The following VWA8 variants were observed in gnomAD, a reference collection of about 807,000 sequenced individuals.
VWA8 encodes the protein von Willebrand factor A domain-containing protein 8.
Under a neutral mutation model 241.5 loss-of-function variants are expected in VWA8, and 221 were observed. That is an observed-to-expected ratio of 0.91 (90% CI 0.82 to 1.02). The LOEUF (loss-of-function observed/expected upper bound fraction) is 1.02, where lower values mean the gene tolerates loss of function less well. Ranked by LOEUF, VWA8 falls within the 50% of genes least tolerant of loss-of-function variation. The pLI is 0.00. For synonymous variants in VWA8, 852 were observed against 827.1 expected (o/e 1.03, Z -0.52); for missense variants, 2,322 against 2,328.7 (o/e 1.00, Z 0.06).
intron 2 of VWA8, among the ~76,000 whole-genome samples, chr13:41,914,541 CAAAAT>C (rs931119787): frequency 3.5e-4 from 54 of 152,212 alleles, no homozygotes; most frequent in African/African-American, 1.2e-3. Flanking sequence ...AAGGATGAAA[CAAAAT>C]AAGAGTTAAG....
chr13:41,886,892 T>C, intron 6 of VWA8, 62 bp from the exon 7 acceptor site: 1 of 1,316,098 alleles, frequency 7.6e-7, no homozygotes, highest in Non-Finnish European at 1.1e-6. Context: ...TAAATGCAAA[T>C]GTTTTGTAGA....
chr13:41,871,552 G>C (rs927448387), intron 9 of VWA8, among the ~76,000 whole-genome samples: 2 of 152,074 alleles, frequency 1.3e-5, no homozygotes, highest in South Asian at 4.1e-4. Context: ...GAGAATATGC[G>C]GTGTTTGGTT....
intron 31 of VWA8, 152 bp from the exon 32 acceptor site, chr13:41,691,597 A>T (rs1315083153): frequency 1.7e-6 from 2 of 1,157,252 alleles, no homozygotes; most frequent in Non-Finnish European, 1.2e-6. Context: ...AAAAAAACAG[A>T]TATGCAAAAT....
chr13:41,624,021 C>T (rs1217506681), intron 37 of VWA8, among the ~76,000 whole-genome samples: 1 of 151,922 alleles, frequency 6.6e-6, no homozygotes, highest in Non-Finnish European at 1.5e-5. Context: ...ACAAAAAAAC[C>T]CCTCAGAGAC....
chr13:41,951,741 G>A (rs1463150069), intron 1 of VWA8, among the ~76,000 whole-genome samples: 1 of 152,078 alleles, frequency 6.6e-6, no homozygotes, highest in East Asian at 1.9e-4. Flanking sequence ...CTTAAATCAT[G>A]GTACTAATAA....
At chr13:41,750,470 CAAAAAAAAAAGGA>C (rs1225192947) in intron 21 of VWA8, among the ~76,000 whole-genome samples, 4 of 119,860 alleles carry the variant, frequency 3.3e-5, no homozygotes, top group Non-Finnish European at 7.2e-5. Context: ...AAAACAAAAA[CAAAAAAAAAAGGA>C]AAAAAAGAAA....
chr13:41,748,656 C>T lies in VWA8; in HGVS notation c.2426+12472G>A, dbSNP rs529227040. ...CCTTCTGATGGTACTGGTACCAAAACAGAGATATAGACCAATGGAACAGAA... is the reference window on the plus strand; with the variant it reads ...CCTTCTGATGGTACTGGTACCAAAATAGAGATATAGACCAATGGAACAGAA... On this transcript the variant is annotated intron_variant, in intron 21 of 44. Transcript: ENST00000379310. Among the ~76,000 whole-genome samples, 3 of 152,120 alleles carry T rather than the reference C, an allele frequency of 2.0e-5. 1 individual carries two copies. In the East Asian group the frequency reaches 5.8e-4, roughly 29 times the overall value.
intron 12 of VWA8, chr13:41,865,390 T>C: frequency 9.4e-6 from 3 of 317,762 alleles, no homozygotes; most frequent in South Asian, 2.6e-5. Flanking sequence ...TCATTCTACT[T>C]ATTTATCAAA....
chr13:41,637,495 G>A (rs570008631), intron 37 of VWA8, among the ~76,000 whole-genome samples: 35 of 151,216 alleles, frequency 2.3e-4, no homozygotes, highest in South Asian at 1.3e-3. Context: ...GCACACCAAC[G>A]TGGCACATGT....
intron 37 of VWA8, among the ~76,000 whole-genome samples, chr13:41,639,410 C>T (rs751257204): frequency 2.6e-5 from 4 of 152,104 alleles, no homozygotes; most frequent in Non-Finnish European, 5.9e-5. Context: ...ACAAAAGATG[C>T]GTTCATTTGT....
intron 20 of VWA8, 34 bp downstream of exon 20, chr13:41,777,951 T>C (rs1172555258): frequency 6.4e-7 from 1 of 1,550,430 alleles, no homozygotes; most frequent in Admixed American, 1.9e-5. Flanking sequence ...ACTATCATTT[T>C]TTCATTGGTA....
At chr13:41,647,904 G>A in intron 37 of VWA8, among the ~76,000 whole-genome samples, 1 of 152,086 alleles carries the variant, frequency 6.6e-6, no homozygotes, top group East Asian at 1.9e-4. Context: ...CAGGAGAATC[G>A]CCTAAACCCG....
intron 5 of VWA8, among the ~76,000 whole-genome samples, chr13:41,890,925 G>A (rs1171866186): frequency 2.6e-5 from 4 of 152,152 alleles, no homozygotes; most frequent in African/African-American, 9.7e-5. Context: ...CTCGGCATGT[G>A]ATGCTGGTGG....
chr13:41,950,667 C>G (rs990202237), intron 1 of VWA8, among the ~76,000 whole-genome samples: 2 of 119,522 alleles, frequency 1.7e-5, no homozygotes, highest in Non-Finnish European at 3.4e-5. Flanking sequence ...CACACTCAGC[C>G]TTTTTTTTTT....
intron 43 of VWA8, among the ~76,000 whole-genome samples, chr13:41,572,015 TGAG>T (rs1298858867): frequency 6.6e-6 from 1 of 150,910 alleles, no homozygotes; most frequent in East Asian, 2.0e-4. Context: ...GTCTGGGAAT[TGAG>T]GAGTGTCTCT....
In VWA8 at chr13:41,713,192, A is replaced by G. The variant is rs528211067; in HGVS notation, c.3116+6399T>C. 3.3e-5 allele frequency among the ~76,000 whole-genome samples: 5 copies of G among 152,336 alleles called. No individual in the cohort carries two copies. In the East Asian group the frequency reaches 9.6e-4, roughly 29 times the overall value. On this transcript the variant is annotated intron_variant, in intron 26 of 44. Transcript: ENST00000379310. Reference sequence around the variant, plus strand: ...AGCAATTTCAGCACAGGCCTTTAAAATTTTCATTTAAATAAGAGGACAAAA... The same window carrying G: ...AGCAATTTCAGCACAGGCCTTTAAAGTTTTCATTTAAATAAGAGGACAAAA...
intron 20 of VWA8, among the ~76,000 whole-genome samples, chr13:41,765,270 T>C (rs2045771793): frequency 6.6e-6 from 1 of 152,182 alleles, no homozygotes; most frequent in Non-Finnish European, 1.5e-5. Context: ...TCCTCTCCAA[T>C]TCACTGTCTC....
chr13:41,882,969 G>A (rs1245913622), intron 9 of VWA8, among the ~76,000 whole-genome samples: 1 of 151,968 alleles, frequency 6.6e-6, no homozygotes, highest in Non-Finnish European at 1.5e-5. Flanking sequence ...CATATATATT[G>A]TTTAAAAAAA....
chr13:41,779,156 T>A (rs1868774738), intron 19 of VWA8, among the ~76,000 whole-genome samples: 1 of 148,728 alleles, frequency 6.7e-6, no homozygotes, highest in Non-Finnish European at 1.5e-5. Flanking sequence ...CTTTTTTCAA[T>A]TTCGTTTATG....
Sources: allele counts gnomAD v4.1 joint callset (sites outside exome capture counted in the v4.1 genomes callset), GRCh38; gene constraint gnomAD v4.1.1; transcripts MANE v1.5; gene names NCBI Gene and HGNC (gene_info 2026-07-23, HGNC 2026-07-21).